Variants in ARHGAP35 observed in about 807,000 individuals in gnomAD.
The protein encoded by ARHGAP35 is rho GTPase-activating protein 35.
A neutral mutation model predicts 111.1 loss-of-function variants in ARHGAP35; 15 were observed. That is an observed-to-expected ratio of 0.13 (90% CI 0.09 to 0.21). The LOEUF is 0.21. Among genes scored for constraint, ARHGAP35 ranks in the 10% least tolerant of loss-of-function variants. ARHGAP35 has a pLI of 1.00. For missense variants in ARHGAP35, 1,262 were observed against 1,873.0 expected, an observed-to-expected ratio of 0.67 and a Z score of 6.02; for synonymous variants, 643 against 710.3, an observed-to-expected ratio of 0.91 and a Z score of 1.51.
At chr19:46,893,983 A>G (rs1217990505) in intron 1 of ARHGAP35, among the ~76,000 whole-genome samples, 2 of 151,694 alleles carry the variant, frequency 1.3e-5, no homozygotes, top group African/African-American at 4.8e-5. Context: ...GGAAAAACCA[A>G]ACTTCTCTAC....
intron 1 of ARHGAP35, among the ~76,000 whole-genome samples, chr19:46,869,330 G>A (rs10410841): frequency 3.4e-4 from 51 of 152,210 alleles, no homozygotes; most frequent in African/African-American, 1.1e-3. Context: ...GGTGGCTCAC[G>A]CCTGTAATCC....
intron 3 of ARHGAP35, among the ~76,000 whole-genome samples, chr19:46,938,819 G>A (rs1372991496): frequency 3.3e-5 from 5 of 151,636 alleles, no homozygotes; most frequent in African/African-American, 9.7e-5. Flanking sequence ...CACCATGCCC[G>A]GCTAATTTTT....
intron 2 of ARHGAP35, among the ~76,000 whole-genome samples, chr19:46,925,838 G>A (rs573166804): frequency 1.3e-5 from 2 of 152,278 alleles, no homozygotes; most frequent in East Asian, 3.9e-4. Flanking sequence ...AATGAACACC[G>A]GGCGTAGTGC....
chr19:46,882,335 C>T (rs1006312428), intron 1 of ARHGAP35, among the ~76,000 whole-genome samples: 2 of 151,704 alleles, frequency 1.3e-5, no homozygotes, highest in African/African-American at 4.8e-5. Flanking sequence ...ACAGGATCAG[C>T]GTATGTTGAC....
chr19:46,920,805 T>G lies in ARHGAP35; in HGVS notation c.2130T>G (p.Ser710Arg). The G allele has an allele frequency of 6.2e-7, 1 of 1,611,230 alleles. No individual in the cohort carries two copies. Among genetic ancestry groups the G allele is most frequent in the Non-Finnish European group, 8.5e-7 (1 of 1,178,510 alleles). ...TGGTTAACAAGAGAGGAGACACCAG[T>G]GGAGAGACTCTGCATAGCTTAATAC... is the stretch of plus-strand genomic sequence containing the variant. Reference protein sequence around the residue: ...LILVNKRGDTSGETLHSLIQQ... With the variant: ...LILVNKRGDTRGETLHSLIQQ... Residue 710 changes from serine to arginine, a missense_variant, in exon 2 of 7, where the codon AGT becomes AGG. This residue lies in a region of ARHGAP35 where 579 missense variants were observed against 716.9 expected (regional missense o/e 0.81). Coordinates refer to ENST00000672722, the MANE Select transcript of ARHGAP35 (RefSeq NM_004491.5). This position sits in a 1 kb window ranked among gnomAD's most constrained non-coding sequence, Gnocchi z 7.0.
rs2056122679 is a variant in ARHGAP35, at chr19:46,908,537, A to G, written c.-188-9951A>G. Among the ~76,000 whole-genome samples, 1 of 152,230 alleles carries G rather than the reference A, an allele frequency of 6.6e-6. No homozygotes were observed. Among genetic ancestry groups the G allele is most frequent in the Admixed American group, 6.5e-5 (1 of 15,284 alleles). ...CCAGAAATTATGCTAAATCAGTGAGAAAGACTTCTTAGCTTTTGATTTTGT... is the reference window on the plus strand; with the variant it reads ...CCAGAAATTATGCTAAATCAGTGAGGAAGACTTCTTAGCTTTTGATTTTGT... On this transcript the variant is annotated intron_variant, in intron 1 of 6. Transcript: ENST00000672722. This position sits in a 1 kb window ranked among gnomAD's most constrained non-coding sequence, Gnocchi z 4.2.
At chr19:46,928,844 A>C (rs1187703345) in intron 2 of ARHGAP35, among the ~76,000 whole-genome samples, 1 of 151,784 alleles carries the variant, frequency 6.6e-6, no homozygotes, top group Admixed American at 6.6e-5. Context: ...AGGCAAGAGA[A>C]TCTCTTGAAC....
chr19:46,877,799 C>T (rs531885033), intron 1 of ARHGAP35, among the ~76,000 whole-genome samples: 176 of 151,826 alleles, frequency 1.2e-3, no homozygotes, highest in African/African-American at 3.8e-3. Context: ...CTCTGCCTCC[C>T]GGGTCCAGGC....
At chr19:46,931,181 G>T (rs1255727511) in intron 2 of ARHGAP35, among the ~76,000 whole-genome samples, 2 of 152,192 alleles carry the variant, frequency 1.3e-5, no homozygotes, top group African/African-American at 4.8e-5. Context: ...CACAGAGATA[G>T]TCTGCGTCTC....
intron 3 of ARHGAP35, among the ~76,000 whole-genome samples, chr19:46,973,583 C>A (rs1396462085): frequency 6.6e-6 from 1 of 151,746 alleles, no homozygotes; most frequent in Non-Finnish European, 1.5e-5. Flanking sequence ...CCCAGCTACT[C>A]GGGAGGCTGA....
At chr19:46,879,471 C>G (rs2035532885) in intron 1 of ARHGAP35, among the ~76,000 whole-genome samples, 1 of 151,966 alleles carries the variant, frequency 6.6e-6, no homozygotes, top group South Asian at 2.1e-4. Flanking sequence ...CCTGTAATCC[C>G]AGGTACTCAG....
Position 46,921,597 on chromosome 19 carries a change from A to G in ARHGAP35, c.2922A>G (p.Gly974=). The change falls in exon 2 of 7, where the codon GGA becomes GGG. Residue 974 remains glycine, a synonymous_variant. Coordinates refer to ENST00000672722, the MANE Select transcript of ARHGAP35 (RefSeq NM_004491.5). The surrounding 1 kb of genome is among the most constrained non-coding windows in gnomAD (Gnocchi z 4.3). ...TEEVFNSPRA[G]SPLCNSNLQD... is the part of the protein sequence containing the mutation. ...AGGTGTTTAACTCCCCCCGGGCAGGATCACCGCTCTGCAACTCAAACCTGC... is the reference window on the plus strand; with the variant it reads ...AGGTGTTTAACTCCCCCCGGGCAGGGTCACCGCTCTGCAACTCAAACCTGC... The G allele has an allele frequency of 6.2e-7, 1 of 1,613,972 alleles. No individual in the cohort carries two copies. The highest frequency in any genetic ancestry group is 2.2e-5 in the East Asian group (1 of 44,880).
Position 46,923,974 on chromosome 19 carries a change from A to C in ARHGAP35, c.3681+1618A>C, listed in dbSNP as rs117395963. Among the ~76,000 whole-genome samples the C allele has an allele frequency of 3.4e-3, 516 of 151,882 alleles. 2 individuals are homozygous for C. Among genetic ancestry groups the C allele is most frequent in the Non-Finnish European group, 6.0e-3 (409 of 67,916 alleles). ...ATGTGTATATATATAAATACTCTTT[A>C]TTTTTTCAGAAAAAGACATTTTGGT... On this transcript the variant is annotated intron_variant, in intron 2 of 6. Coordinates refer to ENST00000672722, the MANE Select transcript of ARHGAP35 (RefSeq NM_004491.5).
intron 1 of ARHGAP35, among the ~76,000 whole-genome samples, chr19:46,866,191 A>G (rs773136255): frequency 1.2e-4 from 18 of 152,158 alleles, no homozygotes; most frequent in African/African-American, 4.1e-4. Context: ...AGCACTATCC[A>G]TGATGTCCAG....
rs2056661216 is a variant in ARHGAP35 at position 46,988,174 on chromosome 19, CCAAA to C, written c.3904+109_3904+112del. The stretch of plus-strand genomic sequence containing the variant: ...TCGGAGCACTCCTGCCAGCACAGAC[CCAAA>C]GCCACGAGGTGCTGAGACTGAGAAA... On this transcript the variant is annotated intron_variant, in intron 4 of 6. Transcript: ENST00000672722. This position sits in a 1 kb window ranked among gnomAD's most constrained non-coding sequence, Gnocchi z 5.4. The C allele has an allele frequency of 9.5e-7, 1 of 1,054,500 alleles. No homozygotes were observed. The highest frequency in any genetic ancestry group is 1.4e-6 in the Non-Finnish European group (1 of 707,918). 65.3% of individuals were successfully genotyped at this position (1,054,500 alleles called of 1,614,324 possible).
intron 1 of ARHGAP35, among the ~76,000 whole-genome samples, chr19:46,865,486 A>T (rs1028370822): frequency 6.6e-6 from 1 of 152,112 alleles, no homozygotes; most frequent in African/African-American, 2.4e-5. Flanking sequence ...AGAAGAGAAG[A>T]AGTTGAAAGA....
intron 1 of ARHGAP35, among the ~76,000 whole-genome samples, chr19:46,867,696 C>G (rs879085064): frequency 6.6e-6 from 1 of 152,030 alleles, no homozygotes; most frequent in Non-Finnish European, 1.5e-5. Flanking sequence ...GCAAAAATAC[C>G]TTGTACTTGG....
rs748695169 is a variant in ARHGAP35, at chr19:47,001,394, C to T, written c.*706C>T. 10 of 1,288,000 alleles carry T rather than the reference C, an allele frequency of 7.8e-6. No homozygotes were observed. The highest frequency in any genetic ancestry group is 2.5e-5 in the South Asian group (2 of 80,874). 79.8% of individuals were successfully genotyped at this position (1,288,000 alleles called of 1,614,324 possible). ...ACACTAGGAGAAAAAATGGAAAAAC[C>T]CTTCCAGTAATTAAAAAGGAAGAAA... On this transcript the variant is annotated 3_prime_UTR_variant, in exon 7 of 7. Transcript: ENST00000672722. This position sits in a 1 kb window ranked among gnomAD's most constrained non-coding sequence, Gnocchi z 5.4.
intron 3 of ARHGAP35, among the ~76,000 whole-genome samples, chr19:46,981,618 C>G (rs2056620729): frequency 6.6e-6 from 1 of 152,056 alleles, no homozygotes; most frequent in Non-Finnish European, 1.5e-5. Context: ...GTGATTTTCC[C>G]CATTGATTTC....
Sources: allele counts gnomAD v4.1 joint callset (sites outside exome capture counted in the v4.1 genomes callset), GRCh38; gene constraint gnomAD v4.1.1; regional missense constraint gnomAD v4.1.1; non-coding constraint Gnocchi (gnomAD v3.1); transcripts MANE v1.5; gene names NCBI Gene and HGNC (gene_info 2026-07-23, HGNC 2026-07-21).